Variants in NLRC5 observed in about 807,000 individuals in gnomAD.
NLRC5 encodes protein NLRC5.
A neutral mutation model predicts 206.9 loss-of-function variants in NLRC5; 114 were observed. The ratio of observed to expected loss-of-function variants is 0.55; its 90% CI spans 0.47 to 0.64. NLRC5 has a LOEUF of 0.64. NLRC5 is among the 30% of genes least tolerant of loss of function. The probability of loss-of-function intolerance (pLI) is 0.00; values close to 1 mark genes in which losing one functional copy is unlikely to be tolerated. For missense variants in NLRC5, 2,008 were observed against 2,305.5 expected, an observed-to-expected ratio of 0.87 and a Z score of 2.64; for synonymous variants, 952 against 962.8, an observed-to-expected ratio of 0.99 and a Z score of 0.21.
chr16:57,040,379 G>T (rs1440016002), intron 16 of NLRC5, among the ~76,000 whole-genome samples: 2 of 152,214 alleles, frequency 1.3e-5, no homozygotes, highest in African/African-American at 4.8e-5. Flanking sequence ...AGGAGGATGA[G>T]ATTAATGATA....
At position 57,036,124 on chromosome 16, in the gene NLRC5, T is replaced by C. The variant is rs1442840693; in HGVS notation, c.2652T>C (p.Asp884=). The part of the protein sequence containing the change: ...EVDLSGNQLE[D]EGCRLMAEAA... ...GCCTCTCAGGGAACCAGCTGGAAGA[T>C]GAAGGCTGTCGGCTGATGGCAGAGG... Residue 884 remains aspartate (D), a synonymous_variant, in exon 14 of 49, where the codon GAT becomes GAC. Transcript: ENST00000688547. 6.2e-6 allele frequency: 10 copies of C among 1,613,680 alleles called. No homozygotes were observed. Among genetic ancestry groups the C allele is most frequent in the Non-Finnish European group, 8.5e-6 (10 of 1,180,010 alleles).
intron 1 of NLRC5, among the ~76,000 whole-genome samples, chr16:57,000,125 G>A (rs952950671): frequency 1.1e-4 from 17 of 152,146 alleles, no homozygotes; most frequent in African/African-American, 3.1e-4. Context: ...CCCGGGACAC[G>A]CAAGCGGGAG....
chr16:57,075,005 C>CTTT lies in NLRC5; in HGVS notation c.4751+362_4751+364dup, dbSNP rs77796033. Among the ~76,000 whole-genome samples, 57 of 58,102 alleles carry CTTT rather than the reference C, an allele frequency of 9.8e-4. 19 individuals carry two copies. The highest frequency in any genetic ancestry group is 1.3e-3 in the Admixed American group (5 of 3,902). The allele number at this position is 58,102 out of a possible 152,430, so 38.1% of individuals were successfully genotyped here. A position where few individuals can be genotyped will look rare whatever the true frequency, so the allele number is the denominator to read the frequency against. On this transcript the variant is annotated intron_variant, in intron 39 of 48. Coordinates refer to ENST00000688547, the MANE Select transcript of NLRC5 (RefSeq NM_001384950.1). ...GGTCTGGAATTCTGCCTAGACTGTG[C>CTTT]TTTTTTTTTTTTTTTTTTTTTTTTT...
chr16:56,993,418 GT>G (rs1219760701), intron 1 of NLRC5, among the ~76,000 whole-genome samples: 5 of 152,070 alleles, frequency 3.3e-5, no homozygotes, highest in African/African-American at 1.2e-4. Flanking sequence ...TATTTCAACA[GT>G]GCTGTAATGA....
chr16:57,004,638 G>A (rs1194185998), intron 1 of NLRC5: 3 of 152,402 alleles, frequency 2.0e-5, no homozygotes, highest in African/African-American at 7.2e-5. Context: ...GTGCATGTGT[G>A]TATGAGTGTG....
chr16:57,082,569 C>A lies in NLRC5; in HGVS notation c.*41C>A, dbSNP rs1280237594. 4.9e-6 allele frequency: 7 copies of A among 1,415,516 alleles called. No homozygotes were observed. In the African/African-American group the frequency reaches 7.1e-5, roughly 14 times the overall value. The allele number at this position is 1,415,516 out of a possible 1,614,324, so 87.7% of individuals were successfully genotyped here. On this transcript the variant is annotated 3_prime_UTR_variant, in exon 49 of 49. Transcript: ENST00000688547. ...CTTTGGAATCCAGCCAAGTGATGCA[C>A]CCAAATGATCCACCTTTCGCCCACT...
intron 47 of NLRC5, 96 bp from the exon 48 acceptor site, chr16:57,081,431 C>A: frequency 8.4e-7 from 1 of 1,185,518 alleles, no homozygotes; most frequent in Non-Finnish European, 1.2e-6. Flanking sequence ...AGACTGTGTC[C>A]CCTGACCTTG....
chr16:57,041,367 C>A (rs2063268718), intron 17 of NLRC5, 118 bp from the exon 18 acceptor site: 2 of 759,138 alleles, frequency 2.6e-6, no homozygotes, highest in Admixed American at 2.5e-5. Flanking sequence ...AGATACATCC[C>A]AGTCCCTCCT....
At chr16:57,029,397 T>C (rs2061561905) in intron 8 of NLRC5, among the ~76,000 whole-genome samples, 1 of 152,116 alleles carries the variant, frequency 6.6e-6, no homozygotes, top group Non-Finnish European at 1.5e-5. Context: ...GGAAGCGATG[T>C]CTGCAGCGTC....
At chr16:57,055,319 C>T in intron 26 of NLRC5, 114 bp from the exon 27 acceptor site, 1 of 1,045,128 alleles carries the variant, frequency 9.6e-7, no homozygotes, top group Non-Finnish European at 1.4e-6. Flanking sequence ...AGGGTCCAAG[C>T]TTGAGTGGAG....
At chr16:57,057,991 C>G (rs981822501) in intron 27 of NLRC5, 74 bp from the exon 28 acceptor site, 12 of 1,216,760 alleles carry the variant, frequency 9.9e-6, no homozygotes, top group Non-Finnish European at 1.3e-5. Flanking sequence ...TGGATGCAGG[C>G]TCCTGGTGAC....
At chr16:57,015,543 G>A (rs2059956807) in intron 1 of NLRC5, among the ~76,000 whole-genome samples, 1 of 151,882 alleles carries the variant, frequency 6.6e-6, no homozygotes, top group African/African-American at 2.4e-5. Flanking sequence ...CATGAACCTA[G>A]GAGTTTGAAT....
At chr16:57,035,349 C>T (rs74873810) in intron 13 of NLRC5, among the ~76,000 whole-genome samples, 11,216 of 152,148 alleles carry the variant, frequency 0.074, 538 homozygotes, top group African/African-American at 0.12. Flanking sequence ...GAGAGTAGAT[C>T]ACTTTTCACT....
intron 32 of NLRC5, among the ~76,000 whole-genome samples, chr16:57,062,968 T>A (rs1426127672): frequency 6.6e-6 from 1 of 152,234 alleles, no homozygotes; most frequent in Non-Finnish European, 1.5e-5. Context: ...TGAATTGGAC[T>A]GCTCTAAATA....
At chr16:57,042,222 A>AG (rs2063374527) in intron 19 of NLRC5, among the ~76,000 whole-genome samples, 157 bp downstream of exon 19, 1 of 152,188 alleles carries the variant, frequency 6.6e-6, no homozygotes, top group Admixed American at 6.5e-5. Context: ...AGGCTAGCTA[A>AG]TAGATGATTC....
chr16:57,012,782 T>G (rs1458038287), intron 1 of NLRC5, among the ~76,000 whole-genome samples: 4 of 152,160 alleles, frequency 2.6e-5, no homozygotes, highest in African/African-American at 9.7e-5. Context: ...CTGCCAAAAC[T>G]GCCAAACTGT....
intron 34 of NLRC5, among the ~76,000 whole-genome samples, chr16:57,066,901 G>A (rs1252905834): frequency 6.6e-6 from 1 of 152,042 alleles, no homozygotes; most frequent in East Asian, 1.9e-4. Context: ...TTCTCTTCAC[G>A]CCTACCTGCT....
chr16:57,074,800 C>A, intron 39 of NLRC5, 117 bp downstream of exon 39: 1 of 934,616 alleles, frequency 1.1e-6, no homozygotes, highest in Admixed American at 1.8e-5. Flanking sequence ...CGGATCCCTC[C>A]CAGGCCCATC....
Position 57,021,006 on chromosome 16 carries a change from T to C in NLRC5, c.294T>C (p.Asp98=), listed in dbSNP as rs764942760. The part of the protein sequence containing the change: ...VLLLSTFGYD[D]GFTSQLGAEG... ...TGCTGAGTACTTTTGGCTATGATGA[T>C]GGTAAGGGCAGGTGTGAGAGACGCA... is the stretch of plus-strand genomic sequence containing the variant. The change falls in exon 3 of 49, where the codon GAT becomes GAC. Residue 98 remains aspartate (D), a splice_region_variant and synonymous_variant. Coordinates refer to ENST00000688547, the MANE Select transcript of NLRC5 (RefSeq NM_001384950.1). 3.7e-6 allele frequency: 6 copies of C among 1,612,608 alleles called. No homozygotes were observed. The South Asian group carries it at 6.6e-5, about 18-fold the overall frequency.
Sources: allele counts gnomAD v4.1 joint callset (sites outside exome capture counted in the v4.1 genomes callset), GRCh38; gene constraint gnomAD v4.1.1; transcripts MANE v1.5; gene names NCBI Gene and HGNC (gene_info 2026-07-23, HGNC 2026-07-21).